TOX: variants seen among roughly 807,000 people sequenced by gnomAD.
TOX encodes thymocyte selection-associated high mobility group box protein TOX.
Under a neutral mutation model 53.7 loss-of-function variants are expected in TOX, and 11 were observed. That is an observed-to-expected ratio of 0.20 (90% CI 0.13 to 0.34). The LOEUF is 0.34. Ranked by LOEUF, TOX falls within the 10% of genes least tolerant of loss-of-function variation. The pLI, the probability that TOX is intolerant of heterozygous loss-of-function variation, is 1.00. For synonymous variants in TOX, 225 were observed against 245.3 expected, an observed-to-expected ratio of 0.92 and a Z score of 0.77; for missense variants, 570 against 664.6, an observed-to-expected ratio of 0.86 and a Z score of 1.56.
chr8:59,096,839 G>A (rs11993659), intron 1 of TOX, among the ~76,000 whole-genome samples: 1,970 of 152,118 alleles, frequency 0.013, 43 homozygotes, highest in African/African-American at 0.045. Context: ...TGTTCTTTCC[G>A]ATTCTGTAAC....
chr8:59,028,586 C>CATAT (rs1165043928), intron 1 of TOX, among the ~76,000 whole-genome samples: 1 of 152,010 alleles, frequency 6.6e-6, no homozygotes, highest in African/African-American at 2.4e-5. Flanking sequence ...TACATACATA[C>CATAT]ATATATAGAT....
intron 5 of TOX, among the ~76,000 whole-genome samples, chr8:58,830,650 A>ATTCC (rs1810438259): frequency 1.3e-5 from 2 of 152,174 alleles, no homozygotes; most frequent in Non-Finnish European, 2.9e-5. Context: ...ATACCATTTA[A>ATTCC]TTCCTTCTTC....
chr8:58,911,725 C>T (rs1042386667), intron 3 of TOX, among the ~76,000 whole-genome samples: 1 of 151,638 alleles, frequency 6.6e-6, no homozygotes, highest in Non-Finnish European at 1.5e-5. Flanking sequence ...TTTTTTTAAA[C>T]GGAGTTTCAC....
chr8:58,940,271 T>C (rs1405376080), intron 2 of TOX, among the ~76,000 whole-genome samples: 1 of 150,590 alleles, frequency 6.6e-6, no homozygotes, highest in Non-Finnish European at 1.5e-5. Context: ...AAAATAGTAC[T>C]AATATTATTA....
intron 1 of TOX, among the ~76,000 whole-genome samples, chr8:58,963,339 A>ATAGATAGG (rs937232571): frequency 2.6e-5 from 4 of 151,888 alleles, no homozygotes; most frequent in African/African-American, 9.7e-5. Flanking sequence ...AGATAGATAG[A>ATAGATAGG]TAGGTAGATA....
chr8:58,939,191 A>G, intron 3 of TOX, 111 bp downstream of exon 3: 1 of 1,315,012 alleles, frequency 7.6e-7, no homozygotes, highest in Non-Finnish European at 1.1e-6. Flanking sequence ...CTCCACAGCT[A>G]GAAACAGTTT....
chr8:58,892,735 G>T (rs1811577746), intron 3 of TOX, among the ~76,000 whole-genome samples: 1 of 152,088 alleles, frequency 6.6e-6, no homozygotes, highest in Non-Finnish European at 1.5e-5. Context: ...GGTGGCCTTT[G>T]GAGATGTACT....
At chr8:59,069,876 T>C (rs1265955948) in intron 1 of TOX, among the ~76,000 whole-genome samples, 2 of 152,182 alleles carry the variant, frequency 1.3e-5, no homozygotes, top group African/African-American at 4.8e-5. Flanking sequence ...AGTGTTGACC[T>C]TTCAGAGCGA....
chr8:59,021,065 T>G (rs1421482748), intron 1 of TOX, among the ~76,000 whole-genome samples: 2 of 132,930 alleles, frequency 1.5e-5, no homozygotes, highest in African/African-American at 5.8e-5. Context: ...GCTGTGATCA[T>G]GCCACTGCAC....
chr8:59,098,344 G>A (rs576192246), intron 1 of TOX, among the ~76,000 whole-genome samples: 23 of 152,122 alleles, frequency 1.5e-4, no homozygotes, highest in East Asian at 9.7e-4. Flanking sequence ...GGTTAAGAAC[G>A]ACTGACAATC....
chr8:59,019,972 T>C (rs920742762), intron 1 of TOX, among the ~76,000 whole-genome samples: 6 of 152,210 alleles, frequency 3.9e-5, no homozygotes, highest in Admixed American at 6.5e-5. Flanking sequence ...TGAAATACTA[T>C]ATACTTACAA....
intron 3 of TOX, among the ~76,000 whole-genome samples, chr8:58,914,876 A>G (rs1811979264): frequency 6.6e-6 from 1 of 152,070 alleles, no homozygotes; most frequent in Non-Finnish European, 1.5e-5. Context: ...AGGGCGAGGC[A>G]TTGCCTCACC....
At chr8:58,939,850 C>A (rs566270737) in intron 2 of TOX, among the ~76,000 whole-genome samples, 2 of 152,152 alleles carry the variant, frequency 1.3e-5, no homozygotes, top group Non-Finnish European at 2.9e-5. Context: ...TAGCTGAATA[C>A]CTCTTTCATG....
intron 1 of TOX, among the ~76,000 whole-genome samples, chr8:58,982,608 A>G (rs1813226061): frequency 6.6e-6 from 1 of 152,208 alleles, no homozygotes; most frequent in Non-Finnish European, 1.5e-5. Context: ...AGTCCTGCAC[A>G]TTACAGATCT....
rs3837195 is a variant in TOX at position 58,851,809 on chromosome 8, CAATAAATAAATAAATAAATA to C, written c.412-24_412-5del. The stretch of plus-strand genomic sequence containing the variant: ...CTGGGTTTCGTATATCTGGCATCTA[CAATAAATAAATAAATAAATA>C]AATAAATAAATAAATAAATAGGAAA... On this transcript the variant is annotated splice_polypyrimidine_tract_variant and splice_region_variant and intron_variant, in intron 3 of 8. Coordinates refer to ENST00000361421, the MANE Select transcript of TOX (RefSeq NM_014729.3). This position sits in a 1 kb window ranked among gnomAD's most constrained non-coding sequence, Gnocchi z 4.4. 2.8e-5 allele frequency: 34 copies of C among 1,207,212 alleles called. 1 individual carries two copies. Among genetic ancestry groups the C allele is most frequent in the Admixed American group, 3.0e-5 (1 of 33,758 alleles). The allele number at this position is 1,207,212 out of a possible 1,614,324, so 74.8% of individuals were successfully genotyped here. A position where few individuals can be genotyped will look rare whatever the true frequency, so the allele number is the denominator to read the frequency against.
intron 1 of TOX, among the ~76,000 whole-genome samples, chr8:59,000,442 G>A (rs539878307): frequency 6.6e-6 from 1 of 152,260 alleles, no homozygotes; most frequent in Non-Finnish European, 1.5e-5. Context: ...TGAGCTGGAT[G>A]CTATAGAAAA....
chr8:58,980,516 T>C (rs1416484365), intron 1 of TOX, among the ~76,000 whole-genome samples: 4 of 152,240 alleles, frequency 2.6e-5, no homozygotes, highest in Non-Finnish European at 2.9e-5. Context: ...AAACTAAGAA[T>C]AGGTATCCCT....
intron 2 of TOX, among the ~76,000 whole-genome samples, chr8:58,951,158 GC>G (rs1402258727): frequency 6.6e-6 from 1 of 152,148 alleles, no homozygotes. Context: ...TTTGACAGAA[GC>G]CTTAGACCTT....
chr8:58,839,863 A>G (rs1810614846), intron 4 of TOX, among the ~76,000 whole-genome samples: 1 of 152,236 alleles, frequency 6.6e-6, no homozygotes. Flanking sequence ...GTCTGTGGAT[A>G]TGATTTCAGA....
Sources: gnomAD v4.1 joint callset for allele counts (sites outside exome capture counted in the v4.1 genomes callset) on GRCh38, gnomAD v4.1.1 for gene constraint, Gnocchi (gnomAD v3.1) non-coding constraint, MANE v1.5 for transcripts, NCBI Gene and HGNC (gene_info 2026-07-23, HGNC 2026-07-21) for gene names.